The following SHISAL1 variants were observed in gnomAD, a reference collection of about 807,000 sequenced individuals.
SHISAL1 encodes the protein protein shisa-like-1.
In SHISAL1, 9 loss-of-function variants were observed where a neutral mutation model predicts 22.6. The observed-to-expected ratio is 0.40, with a 90% CI of 0.24 to 0.70. The LOEUF (loss-of-function observed/expected upper bound fraction) is 0.70. Ranked by LOEUF, SHISAL1 falls within the 30% of genes least tolerant of loss-of-function variation. The probability of loss-of-function intolerance (pLI) is 0.39; values close to 1 mark genes in which losing one functional copy is unlikely to be tolerated. For missense variants in SHISAL1, 246 were observed against 270.6 expected, an observed-to-expected ratio of 0.91 and a Z score of 0.64; for synonymous variants, 119 against 115.4, an observed-to-expected ratio of 1.03 and a Z score of -0.20.
At chr22:44,278,878 T>C (rs1486673547) in intron 4 of SHISAL1, among the ~76,000 whole-genome samples, 2 of 152,122 alleles carry the variant, frequency 1.3e-5, no homozygotes, top group Non-Finnish European at 2.9e-5. Context: ...CTGGGGAGTC[T>C]GCACAGTTGG....
intron 3 of SHISAL1, among the ~76,000 whole-genome samples, chr22:44,288,266 G>A (rs1330285607): frequency 6.6e-6 from 1 of 152,216 alleles, no homozygotes; most frequent in Non-Finnish European, 1.5e-5. Context: ...GAACTCAGCA[G>A]CTGAGCTCTA....
At chr22:44,300,156 CAGAGACAGAGAGAGAT>C (rs1182776733) in intron 2 of SHISAL1, among the ~76,000 whole-genome samples, 1 of 150,604 alleles carries the variant, frequency 6.6e-6, no homozygotes, top group African/African-American at 2.5e-5. Context: ...CAGAGAGAGA[CAGAGACAGAGAGAGAT>C]AGAGATACAG....
intron 1 of SHISAL1, among the ~76,000 whole-genome samples, chr22:44,301,427 C>A (rs752619578): frequency 7.9e-5 from 12 of 152,182 alleles, no homozygotes; most frequent in Non-Finnish European, 1.5e-4. Flanking sequence ...CAGGCAGCTT[C>A]CGAGGCACAA....
intron 1 of SHISAL1, among the ~76,000 whole-genome samples, chr22:44,311,531 C>T (rs1199157559): frequency 6.6e-6 from 1 of 152,260 alleles, no homozygotes; most frequent in Non-Finnish European, 1.5e-5. Context: ...TTTTGAGCCC[C>T]TGGCCTGGGC....
At chr22:44,258,676 T>C (rs2055100934) in intron 4 of SHISAL1, among the ~76,000 whole-genome samples, 1 of 152,186 alleles carries the variant, frequency 6.6e-6, no homozygotes, top group Non-Finnish European at 1.5e-5. Context: ...TGCGTTGTAG[T>C]CCATGGTGTA....
the SHISAL1 span, among the ~76,000 whole-genome samples, chr22:44,331,510 C>T: frequency 1.3e-5 from 2 of 150,598 alleles, no homozygotes; most frequent in East Asian, 4.0e-4. The surrounding 1 kb of genome is among the most constrained non-coding windows in gnomAD (Gnocchi z 5.2). Context: ...GCCCGCCGCC[C>T]GCTCGTTCCT....
intron 4 of SHISAL1, among the ~76,000 whole-genome samples, chr22:44,255,296 C>G (rs1424703174): frequency 6.6e-6 from 1 of 152,138 alleles, no homozygotes; most frequent in African/African-American, 2.4e-5. Flanking sequence ...TGATGGCCAA[C>G]GTGTCTACTC....
At chr22:44,250,036 G>C (rs771398889) in intron 4 of SHISAL1, among the ~76,000 whole-genome samples, 1 of 152,258 alleles carries the variant, frequency 6.6e-6, no homozygotes, top group Non-Finnish European at 1.5e-5. Flanking sequence ...AGACATAGAC[G>C]TATAATAGTC....
intron 2 of SHISAL1, among the ~76,000 whole-genome samples, chr22:44,300,444 G>A (rs1170684449): frequency 6.6e-6 from 1 of 152,218 alleles, no homozygotes; most frequent in Non-Finnish European, 1.5e-5. Context: ...TGGGATCCCA[G>A]GGACAGCCCA....
At chr22:44,266,263 CAT>C (rs1456041824) in intron 4 of SHISAL1, among the ~76,000 whole-genome samples, 9 of 152,282 alleles carry the variant, frequency 5.9e-5, no homozygotes, top group African/African-American at 1.2e-4. Flanking sequence ...CGGGAGAAAA[CAT>C]ATTCAAAGCA....
In SHISAL1 at chr22:44,246,365, G is replaced by A. The variant is rs537098246; in HGVS notation, c.*3320C>T. ...GACATCTTGTCCTCTTCTCTCTCTC[G>A]TTTTTCTTTTTGTATTATTATTATT... is the stretch of plus-strand genomic sequence containing the variant. On this transcript the variant is annotated 3_prime_UTR_variant, in exon 5 of 5. Transcript: ENST00000381176. The A allele has an allele frequency of 6.2e-5, 9 of 145,522 alleles. 1 individual carries two copies. Among genetic ancestry groups the A allele is most frequent in the East Asian group, 3.9e-4 (2 of 5,176 alleles). 9.0% of individuals were successfully genotyped at this position (145,522 alleles called of 1,614,324 possible).
At chr22:44,320,657 C>T in the SHISAL1 span, among the ~76,000 whole-genome samples, 209 of 152,354 alleles carry the variant, frequency 1.4e-3, 2 homozygotes, top group African/African-American at 4.9e-3. Context: ...GCCAGGCCGC[C>T]GCCCTCCCCC....
the SHISAL1 span, among the ~76,000 whole-genome samples, chr22:44,319,743 C>T: frequency 6.6e-6 from 1 of 152,242 alleles, no homozygotes; most frequent in African/African-American, 2.4e-5. Flanking sequence ...CCGGTCTGGC[C>T]TCACACTAAA....
chr22:44,276,257 A>G (rs2055238885), intron 4 of SHISAL1, among the ~76,000 whole-genome samples: 1 of 152,084 alleles, frequency 6.6e-6, no homozygotes, highest in South Asian at 2.1e-4. Flanking sequence ...GCTGGGATCC[A>G]GGAGGAGAGA....
In SHISAL1 at chr22:44,246,356, C is replaced by G. The variant is rs940624931; in HGVS notation, c.*3329G>C. ...TCCTCTGTGGACATCTTGTCCTCTT[C>G]TCTCTCTCGTTTTTCTTTTTGTATT... On this transcript the variant is annotated 3_prime_UTR_variant, in exon 5 of 5. Transcript: ENST00000381176. 6.6e-6 allele frequency: 1 copy of G among 151,810 alleles called. No homozygotes were observed. The allele number at this position is 151,810 out of a possible 1,614,324, so 9.4% of individuals were successfully genotyped here.
At chr22:44,311,990 C>G (rs1319988576) in intron 1 of SHISAL1, among the ~76,000 whole-genome samples, 1 of 152,144 alleles carries the variant, frequency 6.6e-6, no homozygotes, top group Admixed American at 6.5e-5. Flanking sequence ...AGTGTCAGGG[C>G]AGGAAGAGGA....
intron 4 of SHISAL1, among the ~76,000 whole-genome samples, chr22:44,263,313 T>C (rs1459835875): frequency 5.3e-5 from 8 of 152,142 alleles, no homozygotes; most frequent in Non-Finnish European, 2.9e-5. Context: ...TCAGGTGATC[T>C]GCCCACCTTG....
At chr22:44,257,080 C>T (rs550720025) in intron 4 of SHISAL1, among the ~76,000 whole-genome samples, 6 of 152,304 alleles carry the variant, frequency 3.9e-5, no homozygotes, top group Admixed American at 1.3e-4. Flanking sequence ...GCGCCCGACG[C>T]GTGTGCTGGT....
chr22:44,252,609 T>C (rs1170949723), intron 4 of SHISAL1, among the ~76,000 whole-genome samples: 6 of 143,586 alleles, frequency 4.2e-5, no homozygotes, highest in Non-Finnish European at 6.0e-5. Context: ...TAAATGTTAA[T>C]GAGCCATACA....
Sources: allele counts gnomAD v4.1 joint callset (sites outside exome capture counted in the v4.1 genomes callset), GRCh38; gene constraint gnomAD v4.1.1; non-coding constraint Gnocchi (gnomAD v3.1); transcripts MANE v1.5; gene names NCBI Gene and HGNC (gene_info 2026-07-23, HGNC 2026-07-21).